The following SKI variants were observed in gnomAD, a reference collection of about 807,000 sequenced individuals.
SKI encodes the protein ski oncogene.
In SKI, 23 loss-of-function variants were observed where a neutral mutation model predicts 59.3. The observed-to-expected ratio is 0.39, with a 90% CI of 0.28 to 0.55. The LOEUF (loss-of-function observed/expected upper bound fraction) is 0.55. Ranked by LOEUF, SKI falls within the 20% of genes least tolerant of loss-of-function variation. The pLI is 0.67. For synonymous variants in SKI, 673 were observed against 488.6 expected, an observed-to-expected ratio of 1.38 and a Z score of -4.98; for missense variants, 1,017 against 1,038.9, an observed-to-expected ratio of 0.98 and a Z score of 0.29.
At chr1:2,246,745 G>C (rs565868900) in intron 1 of SKI, among the ~76,000 whole-genome samples, 5 of 151,910 alleles carry the variant, frequency 3.3e-5, no homozygotes, top group South Asian at 4.1e-4. Context: ...AGTGCCATTG[G>C]GGGAGGGAGT....
rs982881403 is a variant in SKI at position 2,267,440 on chromosome 1, C to T, written c.970-35538C>T. Reference sequence around the variant, plus strand: ...GAGCAGGTGCGACAGGAATGTCCCACGTCCTCTCGTGTGCTGTCGGGAGAC... The same window carrying T: ...GAGCAGGTGCGACAGGAATGTCCCATGTCCTCTCGTGTGCTGTCGGGAGAC... On this transcript the variant is annotated intron_variant, in intron 1 of 6. Transcript: ENST00000378536. This position sits in a 1 kb window ranked among gnomAD's most constrained non-coding sequence, Gnocchi z 4.1. 2.0e-5 allele frequency among the ~76,000 whole-genome samples: 3 copies of T among 152,352 alleles called. No individual in the cohort carries two copies. Among genetic ancestry groups the T allele is most frequent in the African/African-American group, 4.8e-5 (2 of 41,582 alleles).
intron 1 of SKI, among the ~76,000 whole-genome samples, chr1:2,234,725 A>AGGGAGGATTTCTCCACT (rs545152473): frequency 3.0e-4 from 46 of 152,350 alleles, no homozygotes; most frequent in African/African-American, 1.1e-3. Flanking sequence ...GCGAAAGTTG[A>AGGGAGGATTTCTCCACT]GGGAGGATTT....
At chr1:2,248,272 T>C (rs1320993371) in intron 1 of SKI, among the ~76,000 whole-genome samples, 2 of 152,178 alleles carry the variant, frequency 1.3e-5, no homozygotes, top group African/African-American at 4.8e-5. Flanking sequence ...CTGCCCGGAC[T>C]CAGCCTGGCT....
chr1:2,258,331 C>A (rs1639315837), intron 1 of SKI, among the ~76,000 whole-genome samples: 1 of 152,124 alleles, frequency 6.6e-6, no homozygotes. Context: ...TGCCCCTATT[C>A]TAGATGCCGA....
chr1:2,256,614 G>A (rs970051072), intron 1 of SKI, among the ~76,000 whole-genome samples: 1 of 152,244 alleles, frequency 6.6e-6, no homozygotes, highest in Non-Finnish European at 1.5e-5. Context: ...TGGGAGGCAC[G>A]TGCTTTGGGT....
intron 1 of SKI, among the ~76,000 whole-genome samples, chr1:2,301,758 CAA>C (rs1640430804): frequency 6.6e-6 from 1 of 152,252 alleles, no homozygotes; most frequent in South Asian, 2.1e-4. Context: ...TGGCTGAGGG[CAA>C]GGGCGGAGCC....
intron 1 of SKI, among the ~76,000 whole-genome samples, chr1:2,230,493 T>A (rs1638610716): frequency 6.6e-6 from 1 of 151,970 alleles, no homozygotes; most frequent in Non-Finnish European, 1.5e-5. Flanking sequence ...CGTGCTGGAG[T>A]TACTGGCGGC....
chr1:2,300,090 T>C (rs1640387718), intron 1 of SKI, among the ~76,000 whole-genome samples: 1 of 152,224 alleles, frequency 6.6e-6, no homozygotes, highest in Non-Finnish European at 1.5e-5. Flanking sequence ...TGCCCTGCCC[T>C]GGCAGGGGGG....
At chr1:2,233,482 C>T (rs1441406319) in intron 1 of SKI, among the ~76,000 whole-genome samples, 2 of 152,032 alleles carry the variant, frequency 1.3e-5, no homozygotes, top group African/African-American at 4.8e-5. Flanking sequence ...TCTTGCAGGT[C>T]CCCTTGCCCT....
At chr1:2,304,227 C>G in intron 4 of SKI, 66 bp from the exon 5 acceptor site, 1 of 1,553,980 alleles carries the variant, frequency 6.4e-7, no homozygotes, top group Non-Finnish European at 8.7e-7. Flanking sequence ...GGGAGCGGCG[C>G]GTCTCCCTGG....
intron 1 of SKI, among the ~76,000 whole-genome samples, chr1:2,284,553 T>G (rs1314479213): frequency 1.3e-5 from 2 of 152,326 alleles, no homozygotes; most frequent in African/African-American, 4.8e-5. Flanking sequence ...GCAGGGACCC[T>G]TCCCCAGTGG....
chr1:2,287,534 C>T (rs574130172), intron 1 of SKI, among the ~76,000 whole-genome samples: 2 of 152,072 alleles, frequency 1.3e-5, no homozygotes, highest in Non-Finnish European at 2.9e-5. Flanking sequence ...GACGGGGTTT[C>T]ACTGTGTTAG....
At chr1:2,250,822 C>T (rs897304206) in intron 1 of SKI, among the ~76,000 whole-genome samples, 2 of 152,266 alleles carry the variant, frequency 1.3e-5, no homozygotes, top group Admixed American at 6.5e-5. Context: ...GGGCCTGCCT[C>T]GTTGCCCTAG....
intron 1 of SKI, among the ~76,000 whole-genome samples, chr1:2,300,480 C>T (rs1456946143): frequency 2.0e-5 from 3 of 152,314 alleles, no homozygotes; most frequent in Non-Finnish European, 4.4e-5. Context: ...TGGTTTTGTC[C>T]CTGACCGACA....
chr1:2,301,077 C>T (rs1398100694), intron 1 of SKI, among the ~76,000 whole-genome samples: 1 of 152,190 alleles, frequency 6.6e-6, no homozygotes, highest in Non-Finnish European at 1.5e-5. Context: ...GATAACTGAG[C>T]CGAATTTCCG....
Position 2,228,825 on chromosome 1 carries a change from C to T in SKI, c.59C>T (p.Thr20Met), listed in dbSNP as rs1060502671. The change falls in exon 1 of 7, where the codon ACG (threonine) becomes ATG (methionine). Residue 20 changes from threonine (T) to methionine (M), a missense_variant. By Grantham distance (81) the Thr-to-Met change is moderately conservative. Coordinates refer to ENST00000378536, the MANE Select transcript of SKI (RefSeq NM_003036.4). Reference sequence around the variant, plus strand: ...CAGCCGCACCCGGGGCTGCAGAAGACGCTGGAGCAGTTCCACCTGAGCTCC... The same window carrying T: ...CAGCCGCACCCGGGGCTGCAGAAGATGCTGGAGCAGTTCCACCTGAGCTCC... ...CFQPHPGLQKTLEQFHLSSMS... is the reference protein window; with the variant it reads ...CFQPHPGLQKMLEQFHLSSMS... 1 of 1,393,160 alleles carries T rather than the reference C, an allele frequency of 7.2e-7. No homozygotes were observed. Among genetic ancestry groups the T allele is most frequent in the Non-Finnish European group, 9.4e-7 (1 of 1,065,536 alleles). The allele number at this position is 1,393,160 out of a possible 1,614,324, so 86.3% of individuals were successfully genotyped here.
intron 1 of SKI, among the ~76,000 whole-genome samples, chr1:2,235,270 C>T (rs533429420): frequency 1.5e-3 from 229 of 152,308 alleles, no homozygotes; most frequent in Non-Finnish European, 1.6e-3. Context: ...TCTCGAACTC[C>T]TGACCTCAAG....
At chr1:2,292,362 C>T (rs142875919) in intron 1 of SKI, among the ~76,000 whole-genome samples, 3 of 152,232 alleles carry the variant, frequency 2.0e-5, no homozygotes, top group South Asian at 2.1e-4. Flanking sequence ...GTAGGGTGAC[C>T]GCAGTGGGCT....
At chr1:2,230,198 G>A (rs1638602002) in intron 1 of SKI, among the ~76,000 whole-genome samples, 15 of 152,224 alleles carry the variant, frequency 9.9e-5, no homozygotes, top group Admixed American at 9.8e-4. Context: ...GAAGACGGAG[G>A]GCTGCCTGCC....
Sources: gnomAD v4.1 joint callset for allele counts (sites outside exome capture counted in the v4.1 genomes callset) on GRCh38, gnomAD v4.1.1 for gene constraint, Gnocchi (gnomAD v3.1) non-coding constraint, MANE v1.5 for transcripts, NCBI Gene and HGNC (gene_info 2026-07-23, HGNC 2026-07-21) for gene names.